Variants in FBXO4 observed in about 807,000 individuals in gnomAD.
FBXO4 encodes F-box only protein 4.
FBXO4 carries 36 observed loss-of-function variants against 43.7 expected under a neutral mutation model. The observed-to-expected ratio is 0.82, with a 90% CI of 0.63 to 1.09. The LOEUF is 1.09. Ranked by LOEUF, FBXO4 falls within the 50% of genes least tolerant of loss-of-function variation. FBXO4 has a pLI of 0.00. For synonymous variants in FBXO4, 180 were observed against 165.6 expected, an observed-to-expected ratio of 1.09 and a Z score of -0.67; for missense variants, 435 against 474.1, an observed-to-expected ratio of 0.92 and a Z score of 0.77.
At chr5:41,926,041 A>G (rs893718423) in intron 1 of FBXO4, among the ~76,000 whole-genome samples, 6 of 152,230 alleles carry the variant, frequency 3.9e-5, no homozygotes, top group Admixed American at 6.5e-5. Context: ...AAGTGCCTCA[A>G]GTTACATCAA....
rs370177730 is a variant in FBXO4 at position 41,939,566 on chromosome 5, T to G, written c.1024T>G (p.Phe342Val). The change falls in exon 6 of 7, where the codon TTT becomes GTT. Residue 342 changes from phenylalanine (F) to valine (V), a missense_variant. Transcript: ENST00000281623. ...AGGGGATGTAAAAAGAATGCCCTGT[T>G]TTTATTTGGCTCATGAGCTGCATCT... Reference protein sequence around the residue: ...SQGDVKRMPCFYLAHELHLNL... With the variant: ...SQGDVKRMPCVYLAHELHLNL... The G allele has an allele frequency of 1.2e-6, 2 of 1,613,724 alleles. No homozygotes were observed. The highest frequency in any genetic ancestry group is 1.7e-6 in the Non-Finnish European group (2 of 1,179,848).
chr5:42,031,578 G>A, the FBXO4 span, among the ~76,000 whole-genome samples: 1 of 151,692 alleles, frequency 6.6e-6, no homozygotes, highest in East Asian at 1.9e-4. Context: ...CCTGCACATT[G>A]TGCACATGTA....
At chr5:41,940,837 G>A (rs11748121) in intron 6 of FBXO4, among the ~76,000 whole-genome samples, 227 of 152,212 alleles carry the variant, frequency 1.5e-3, no homozygotes, top group Non-Finnish European at 2.9e-3. Context: ...TTTGCAACAG[G>A]ATGTCACACA....
chr5:41,960,917 T>C, the FBXO4 span, among the ~76,000 whole-genome samples: 1 of 152,314 alleles, frequency 6.6e-6, no homozygotes, highest in African/African-American at 2.4e-5. Flanking sequence ...AGTTCATATA[T>C]CTTCATTGGG....
chr5:41,933,566 A>G (rs1474701218), intron 3 of FBXO4, among the ~76,000 whole-genome samples: 1 of 152,190 alleles, frequency 6.6e-6, no homozygotes, highest in Non-Finnish European at 1.5e-5. Context: ...AAGACACTTA[A>G]TTGAATGTAT....
the FBXO4 span, among the ~76,000 whole-genome samples, chr5:42,002,857 T>G: frequency 6.6e-6 from 1 of 152,206 alleles, no homozygotes; most frequent in East Asian, 1.9e-4. Flanking sequence ...TCAATTTCAG[T>G]ATACTCATGC....
At chr5:42,030,438 C>T in the FBXO4 span, among the ~76,000 whole-genome samples, 1 of 151,960 alleles carries the variant, frequency 6.6e-6, no homozygotes, top group East Asian at 1.9e-4. Flanking sequence ...CTTCCTTACA[C>T]CTTACACAAA....
chr5:41,937,409 G>A (rs1751878001), intron 5 of FBXO4, among the ~76,000 whole-genome samples: 1 of 152,058 alleles, frequency 6.6e-6, no homozygotes, highest in Non-Finnish European at 1.5e-5. Context: ...CCTATATCTA[G>A]CAAAAATATT....
chr5:42,034,307 G>A, the FBXO4 span, among the ~76,000 whole-genome samples: 274 of 152,220 alleles, frequency 1.8e-3, 2 homozygotes, highest in African/African-American at 6.4e-3. Context: ...CTCCCATTCT[G>A]TAGGCTGCCT....
chr5:41,992,072 C>T, the FBXO4 span, among the ~76,000 whole-genome samples: 2 of 152,102 alleles, frequency 1.3e-5, no homozygotes, highest in Non-Finnish European at 2.9e-5. Context: ...GAGCAAAAAT[C>T]GGTCTCATAA....
rs1045857505 is a variant in FBXO4, at chr5:41,931,844, C to T, written c.646+1927C>T. Among the ~76,000 whole-genome samples the T allele has an allele frequency of 7.2e-5, 11 of 152,170 alleles. No individual in the cohort carries two copies. The South Asian group carries it at 1.2e-3, about 17-fold the overall frequency. The stretch of plus-strand genomic sequence containing the variant: ...TTAAATGGAGATTCATAAGTAATAA[C>T]GACAAAGAAGGAAAGAGTGCTACAG... On this transcript the variant is annotated intron_variant, in intron 3 of 6. Coordinates refer to ENST00000281623, the MANE Select transcript of FBXO4 (RefSeq NM_012176.3).
the FBXO4 span, among the ~76,000 whole-genome samples, chr5:41,976,151 C>T: frequency 1.3e-5 from 2 of 152,148 alleles, no homozygotes; most frequent in African/African-American, 4.8e-5. Context: ...TCCCACCAGG[C>T]CCCACGTCCA....
the FBXO4 span, among the ~76,000 whole-genome samples, chr5:41,986,076 G>A: frequency 6.6e-6 from 1 of 152,082 alleles, no homozygotes; most frequent in African/African-American, 2.4e-5. Flanking sequence ...TTCACTTGTG[G>A]TAGTAATAAT....
In FBXO4 at chr5:41,939,425, G is replaced by GCA. The variant is rs1751937905; in HGVS notation, c.899-16_899-15insCA. ...AAAAGTAATGCAAATTAAGGGTTTTGACTTACATTCCTTAGGACATGAATG... is the reference window on the plus strand; with the variant it reads ...AAAAGTAATGCAAATTAAGGGTTTTGCAACTTACATTCCTTAGGACATGAATG... On this transcript the variant is annotated splice_polypyrimidine_tract_variant and intron_variant, in intron 5 of 6. Transcript: ENST00000281623. 3.8e-6 allele frequency: 6 copies of GCA among 1,575,980 alleles called. No individual in the cohort carries two copies. In the East Asian group the frequency reaches 1.1e-4, roughly 30 times the overall value.
chr5:41,992,035 G>T, the FBXO4 span, among the ~76,000 whole-genome samples: 2 of 152,060 alleles, frequency 1.3e-5, no homozygotes, highest in African/African-American at 2.4e-5. Context: ...CCGAGATGGC[G>T]CCATTGCACT....
the FBXO4 span, among the ~76,000 whole-genome samples, chr5:41,947,991 A>C: frequency 6.6e-6 from 1 of 152,166 alleles, no homozygotes; most frequent in Admixed American, 6.5e-5. Context: ...AGCAATAAAA[A>C]AGTTCTGTAG....
chr5:41,985,662 C>G, the FBXO4 span, among the ~76,000 whole-genome samples: 2 of 152,102 alleles, frequency 1.3e-5, no homozygotes, highest in African/African-American at 4.8e-5. Context: ...GACTTTTTCA[C>G]TTACTAACTT....
At chr5:42,000,585 T>A in the FBXO4 span, among the ~76,000 whole-genome samples, 4 of 152,224 alleles carry the variant, frequency 2.6e-5, no homozygotes, top group Non-Finnish European at 5.9e-5. Flanking sequence ...GATTTTTAGT[T>A]TGATGCAATC....
At chr5:42,031,874 C>G in the FBXO4 span, among the ~76,000 whole-genome samples, 1 of 151,894 alleles carries the variant, frequency 6.6e-6, no homozygotes, top group Non-Finnish European at 1.5e-5. Context: ...GTGATTTAAC[C>G]TGTATCTGCA....
Sources: gnomAD v4.1 joint callset for allele counts (sites outside exome capture counted in the v4.1 genomes callset) on GRCh38, gnomAD v4.1.1 for gene constraint, MANE v1.5 for transcripts, NCBI Gene and HGNC (gene_info 2026-07-23, HGNC 2026-07-21) for gene names.